The following TTC34 variants were observed in gnomAD, a reference collection of about 807,000 sequenced individuals.
The protein encoded by TTC34 is tetratricopeptide repeat domain 34, also known as tetratricopeptide repeat protein 34.
A neutral mutation model predicts 40.7 loss-of-function variants in TTC34; 44 were observed. The ratio of observed to expected loss-of-function variants is 1.08; its 90% CI spans 0.85 to 1.39. The LOEUF (loss-of-function observed/expected upper bound fraction) is 1.39. Among genes scored for constraint, TTC34 ranks in the 40% most tolerant of loss-of-function variants. The pLI, the probability that TTC34 is intolerant of heterozygous loss-of-function variation, is 0.00. For synonymous variants in TTC34, 422 were observed against 398.6 expected (o/e 1.06, Z -0.70); for missense variants, 884 against 838.0 (o/e 1.05, Z -0.68).
At chr1:2,759,294 ACGTCC>A (rs1641611830) in intron 6 of TTC34, among the ~76,000 whole-genome samples, 1 of 109,270 alleles carries the variant, frequency 9.2e-6, no homozygotes, top group Non-Finnish European at 1.8e-5. Flanking sequence ...CGAGCATCTG[ACGTCC>A]TGGAACAGCA....
At chr1:2,769,813 C>T (rs1195494466) in intron 6 of TTC34, among the ~76,000 whole-genome samples, 227 of 126,010 alleles carry the variant, frequency 1.8e-3, no homozygotes, top group African/African-American at 8.0e-3. Flanking sequence ...CATCTGACAG[C>T]CTGGAGCAGG....
At chr1:2,755,544 C>A (rs1364386871) in intron 6 of TTC34, among the ~76,000 whole-genome samples, 2 of 107,196 alleles carry the variant, frequency 1.9e-5, no homozygotes, top group Admixed American at 1.9e-4. Flanking sequence ...TACCCACACC[C>A]ACAGGCGAGC....
intron 6 of TTC34, among the ~76,000 whole-genome samples, chr1:2,693,146 C>T (rs1325257423): frequency 1.3e-5 from 1 of 75,714 alleles, no homozygotes; most frequent in Non-Finnish European, 2.8e-5. Flanking sequence ...GAACCCACAC[C>T]CCCAGGCGAG....
chr1:2,800,367 G>A (rs973366140), exon 2 of TTC34: 1 of 398,508 alleles, frequency 2.5e-6, no homozygotes. Flanking sequence ...ACCATCCGCT[G>A]CCTGCACCCC....
At position 2,751,288 on chromosome 1, in the gene TTC34, C is replaced by A. The variant is rs1277919290; in HGVS notation, c.2226+32321G>T. Among the ~76,000 whole-genome samples the A allele has an allele frequency of 4.1e-5, 5 of 121,662 alleles. 2 individuals are homozygous for A. Among genetic ancestry groups the A allele is most frequent in the Non-Finnish European group, 8.4e-5 (5 of 59,418 alleles). The allele number at this position is 121,662 out of a possible 152,430, so 79.8% of individuals were successfully genotyped here. A position where few individuals can be genotyped will look rare whatever the true frequency, so the allele number is the denominator to read the frequency against. ...GACAGCCTGGAACAGCACCCACACACCCAGGTGAGCATCCGACACCGTGGA... is the reference window on the plus strand; with the variant it reads ...GACAGCCTGGAACAGCACCCACACAACCAGGTGAGCATCCGACACCGTGGA... On this transcript the variant is annotated intron_variant, in intron 6 of 8. Coordinates refer to ENST00000401095, the Ensembl canonical transcript of TTC34.
At chr1:2,782,405 A>C (rs1430544289) in intron 6 of TTC34, among the ~76,000 whole-genome samples, 1 of 152,094 alleles carries the variant, frequency 6.6e-6, no homozygotes, top group Non-Finnish European at 1.5e-5. Context: ...CACCTGGCAA[A>C]AGGTTTGTCA....
At chr1:2,798,884 A>G (rs1643741543) in intron 2 of TTC34, among the ~76,000 whole-genome samples, 4 of 96,620 alleles carry the variant, frequency 4.1e-5, no homozygotes, top group East Asian at 3.4e-4. Context: ...CAAGCCTCCC[A>G]GCCCCCCAGC....
At chr1:2,675,165 A>T (rs1394873184) in intron 6 of TTC34, among the ~76,000 whole-genome samples, 13 of 142,568 alleles carry the variant, frequency 9.1e-5, no homozygotes, top group African/African-American at 2.6e-4. Context: ...CCACACCCCC[A>T]GGGGAGCATC....
At chr1:2,656,050 C>T (rs1158034192) in intron 6 of TTC34, among the ~76,000 whole-genome samples, 2 of 149,130 alleles carry the variant, frequency 1.3e-5, no homozygotes, top group African/African-American at 4.8e-5. Flanking sequence ...GAGCAGCACC[C>T]ACACCCCCAG....
chr1:2,750,711 G>C (rs1641290628), intron 6 of TTC34, among the ~76,000 whole-genome samples: 148 of 139,236 alleles, frequency 1.1e-3, no homozygotes, highest in South Asian at 1.6e-3. Flanking sequence ...CCGACAGCCT[G>C]GAGCAGCACC....
At chr1:2,783,642 C>A (rs1355599322) in exon 6 of TTC34, 5 of 1,469,792 alleles carry the variant, frequency 3.4e-6, no homozygotes, top group Non-Finnish European at 4.6e-6. Flanking sequence ...GCACCAACGC[C>A]CGTCCACACA....
exon 9 of TTC34, chr1:2,638,054 T>C (rs1483718207): frequency 6.6e-6 from 1 of 151,866 alleles, no homozygotes; most frequent in Non-Finnish European, 1.5e-5. Context: ...CCTTTATTTA[T>C]TTTTTTTGTT....
chr1:2,645,370 A>G lies in TTC34; in HGVS notation c.2420T>C (p.Val807Ala), dbSNP rs1261771172. 1 of 1,534,512 alleles carries G rather than the reference A, an allele frequency of 6.5e-7. No individual in the cohort carries two copies. Among genetic ancestry groups the G allele is most frequent in the Non-Finnish European group, 8.7e-7 (1 of 1,146,058 alleles). The stretch of plus-strand genomic sequence containing the variant: ...GTCGATTTTGATCAGCGCCTCCCCC[A>G]CAGCAAGGAGGCCCTGGGTGTCCTT... The change falls in exon 7 of 9, where the codon GTG (valine) becomes GCG (alanine). Residue 807 changes from valine to alanine, a missense_variant. Val to Ala is a moderately conservative substitution (Grantham distance 64, BLOSUM62 0). Coordinates refer to ENST00000401095, the Ensembl canonical transcript of TTC34. This position sits in a 1 kb window ranked among gnomAD's most constrained non-coding sequence, Gnocchi z 4.7.
chr1:2,691,584 C>G (rs1464537164), intron 6 of TTC34, among the ~76,000 whole-genome samples: 27 of 110,586 alleles, frequency 2.4e-4, no homozygotes, highest in East Asian at 5.6e-4. Context: ...CACCCACATG[C>G]CCAGGTGAGA....
At chr1:2,791,200 T>TA (rs756427807) in intron 2 of TTC34, among the ~76,000 whole-genome samples, 1 of 151,716 alleles carries the variant, frequency 6.6e-6, no homozygotes, top group Non-Finnish European at 1.5e-5. Context: ...AAGGGAAGTG[T>TA]AGCTGCCCCA....
At chr1:2,790,029 C>T in exon 3 of TTC34, 1 of 396,656 alleles carries the variant, frequency 2.5e-6, no homozygotes, top group Non-Finnish European at 4.4e-6. Flanking sequence ...GGTCGCGCCC[C>T]GGCAGGCGCC....
chr1:2,750,403 AC>A (rs1196896760), intron 6 of TTC34, among the ~76,000 whole-genome samples: 1 of 105,088 alleles, frequency 9.5e-6, no homozygotes, highest in Admixed American at 1.0e-4. Flanking sequence ...CAGCACGCAC[AC>A]CCCCAGGTGC....
intron 6 of TTC34, among the ~76,000 whole-genome samples, chr1:2,753,379 C>A (rs1441096977): frequency 0.18 from 13,469 of 74,386 alleles, 4 homozygotes; most frequent in Middle Eastern, 0.26. Context: ...CCCACACCCC[C>A]AGGCGAGCAT....
intron 6 of TTC34, among the ~76,000 whole-genome samples, chr1:2,699,174 A>C (rs1331870483): frequency 1.4e-4 from 16 of 112,222 alleles, no homozygotes; most frequent in South Asian, 3.1e-4. Flanking sequence ...CCCACAGCCC[A>C]AGGTGAGCAT....
Sources: allele counts gnomAD v4.1 joint callset (sites outside exome capture counted in the v4.1 genomes callset), GRCh38; gene constraint gnomAD v4.1.1; non-coding constraint Gnocchi (gnomAD v3.1); transcripts MANE v1.5; gene names NCBI Gene and HGNC (gene_info 2026-07-23, HGNC 2026-07-21).